SOX13: variants seen among roughly 807,000 people sequenced by gnomAD.
The protein encoded by SOX13 is SRY-box transcription factor 13, also known as transcription factor SOX-13.
A neutral mutation model predicts 71.8 loss-of-function variants in SOX13; 28 were observed. The observed-to-expected ratio is 0.39, with a 90% CI of 0.29 to 0.53. The LOEUF is 0.53. Ranked by LOEUF, SOX13 falls within the 20% of genes least tolerant of loss-of-function variation. The pLI is 0.70. For synonymous variants in SOX13, 309 were observed against 317.8 expected (o/e 0.97, Z 0.29); for missense variants, 627 against 810.3 (o/e 0.77, Z 2.75).
chr1:204,114,254 C>A, intron 2 of SOX13, 67 bp from the exon 3 acceptor site: 1 of 1,095,112 alleles, frequency 9.1e-7, no homozygotes, highest in Non-Finnish European at 1.3e-6. Context: ...CTTTGGGGTG[C>A]CCAGCCCTCC....
At chr1:204,098,910 T>G (rs1656306564) in intron 1 of SOX13, among the ~76,000 whole-genome samples, 1 of 152,250 alleles carries the variant, frequency 6.6e-6, no homozygotes, top group Admixed American at 6.5e-5. Flanking sequence ...ACCTGGTCCC[T>G]TGGCATAGCT....
intron 1 of SOX13, chr1:204,074,186 G>A (rs1211771501): frequency 6.6e-6 from 1 of 152,216 alleles, no homozygotes; most frequent in Non-Finnish European, 1.5e-5. Context: ...TGCCTGCGAC[G>A]AGGCGCAGAG....
intron 1 of SOX13, among the ~76,000 whole-genome samples, chr1:204,089,590 T>C (rs944760478): frequency 3.9e-5 from 6 of 152,176 alleles, no homozygotes; most frequent in Non-Finnish European, 7.4e-5. Flanking sequence ...GAAAGAATGG[T>C]GCACAAGCAA....
At chr1:204,115,712 G>C (rs1237174925) in intron 4 of SOX13, among the ~76,000 whole-genome samples, 1 of 137,536 alleles carries the variant, frequency 7.3e-6, no homozygotes, top group East Asian at 2.2e-4. Context: ...TGTTGCCCAG[G>C]CTGGAGCGTA....
intron 1 of SOX13, among the ~76,000 whole-genome samples, chr1:204,086,725 C>G (rs1019284415): frequency 4.6e-5 from 7 of 152,094 alleles, no homozygotes; most frequent in African/African-American, 1.7e-4. Flanking sequence ...TTTCTTTGAG[C>G]CATATTTTCT....
chr1:204,103,681 C>G (rs769093470), intron 1 of SOX13, among the ~76,000 whole-genome samples: 2 of 152,272 alleles, frequency 1.3e-5, no homozygotes, highest in Non-Finnish European at 2.9e-5. Context: ...CTAGGCTGGG[C>G]ACTGTCCCTG....
At chr1:204,093,079 T>C (rs1656179441) in intron 1 of SOX13, among the ~76,000 whole-genome samples, 1 of 152,122 alleles carries the variant, frequency 6.6e-6, no homozygotes, top group Non-Finnish European at 1.5e-5. Context: ...GAAGCAAGGG[T>C]GAGAGCTGCT....
chr1:204,125,836 G>A (rs367714624), intron 13 of SOX13, 22 bp from the exon 14 acceptor site: 23 of 1,600,378 alleles, frequency 1.4e-5, no homozygotes, highest in Non-Finnish European at 1.5e-5. Flanking sequence ...ATCCATCACC[G>A]TTCCCCTTCT....
At chr1:204,092,173 T>C (rs1290421989) in intron 1 of SOX13, among the ~76,000 whole-genome samples, 3 of 148,688 alleles carry the variant, frequency 2.0e-5, no homozygotes, top group Non-Finnish European at 4.4e-5. Flanking sequence ...GACTTAGGCA[T>C]GTGCTACTAC....
At chr1:204,076,437 G>C (rs185778518) in intron 1 of SOX13, among the ~76,000 whole-genome samples, 1 of 152,186 alleles carries the variant, frequency 6.6e-6, no homozygotes, top group Non-Finnish European at 1.5e-5. Flanking sequence ...TTGGGAACCT[G>C]GAATAGCACA....
chr1:204,124,925 G>A, intron 13 of SOX13, 68 bp downstream of exon 13: 2 of 1,160,452 alleles, frequency 1.7e-6, no homozygotes, highest in Non-Finnish European at 2.5e-6. Context: ...GAGTGGCTGG[G>A]TGTCAGTGTG....
At chr1:204,075,308 T>TCCCGCTCTCCCTCTCC (rs1655764198) in intron 1 of SOX13, among the ~76,000 whole-genome samples, 1 of 151,874 alleles carries the variant, frequency 6.6e-6, no homozygotes. Flanking sequence ...GCCCGCTACC[T>TCCCGCTCTCCCTCTCC]CCCGCTCTCC....
Position 204,073,590 on chromosome 1 carries a change from C to T in SOX13, c.-123C>T, listed in dbSNP as rs1261137851. On this transcript the variant is annotated 5_prime_UTR_variant, in exon 1 of 14. Coordinates refer to ENST00000367204, the MANE Select transcript of SOX13 (RefSeq NM_005686.3). This position sits in a 1 kb window ranked among gnomAD's most constrained non-coding sequence, Gnocchi z 6.8. ...CCCAGCCTCCCCAACCCGGCCCGCC[C>T]GCCGCGTCGCGGGGGCATGTGAGCG... The T allele has an allele frequency of 6.6e-6, 1 of 151,784 alleles. No homozygotes were observed. The allele number at this position is 151,784 out of a possible 1,614,324, so 9.4% of individuals were successfully genotyped here.
At chr1:204,109,925 C>T (rs763448262) in intron 1 of SOX13, among the ~76,000 whole-genome samples, 4 of 152,036 alleles carry the variant, frequency 2.6e-5, no homozygotes, top group Non-Finnish European at 5.9e-5. Context: ...CTCCACCGCC[C>T]GGGTTCAAGA....
At chr1:204,120,329 G>A (rs1396007400) in intron 7 of SOX13, among the ~76,000 whole-genome samples, 1 of 152,218 alleles carries the variant, frequency 6.6e-6, no homozygotes, top group Non-Finnish European at 1.5e-5. Flanking sequence ...CAGTGATCTG[G>A]TCGGGGATAG....
At chr1:204,110,122 G>T (rs1222645227) in intron 1 of SOX13, among the ~76,000 whole-genome samples, 1 of 151,958 alleles carries the variant, frequency 6.6e-6, no homozygotes, top group African/African-American at 2.4e-5. Flanking sequence ...ATGAGCCGCC[G>T]CGTCTGGCCA....
At chr1:204,125,824 G>T in intron 13 of SOX13, 34 bp from the exon 14 acceptor site, 2 of 1,591,764 alleles carry the variant, frequency 1.3e-6, no homozygotes, top group Middle Eastern at 1.7e-4. Flanking sequence ...AATCAAGTGT[G>T]CATCCATCAC....
At chr1:204,092,370 G>A (rs1656165545) in intron 1 of SOX13, among the ~76,000 whole-genome samples, 1 of 151,918 alleles carries the variant, frequency 6.6e-6, no homozygotes, top group South Asian at 2.1e-4. Context: ...AGGCTGGAGT[G>A]CAGTGGCATG....
intron 2 of SOX13, 83 bp from the exon 3 acceptor site, chr1:204,114,220 GCTGGGATCCCTCAGGGTA>G (rs1439889591): frequency 2.8e-6 from 2 of 707,894 alleles, no homozygotes; most frequent in African/African-American, 3.6e-5. Context: ...CTTGGATAGG[GCTGGGATCCCTCAGGGTA>G]CACATCTTTG....
Sources: gnomAD v4.1 joint callset for allele counts (sites outside exome capture counted in the v4.1 genomes callset) on GRCh38, gnomAD v4.1.1 for gene constraint, Gnocchi (gnomAD v3.1) non-coding constraint, MANE v1.5 for transcripts, NCBI Gene and HGNC (gene_info 2026-07-23, HGNC 2026-07-21) for gene names.